HDAC9: variants seen among roughly 807,000 people sequenced by gnomAD.
HDAC9 encodes the protein MEF-2 interacting transcription repressor (MITR) protein.
In HDAC9, 41 loss-of-function variants were observed where a neutral mutation model predicts 139.4. The observed-to-expected ratio is 0.29, with a 90% CI of 0.23 to 0.38. The LOEUF (loss-of-function observed/expected upper bound fraction) is 0.38, where lower values mean the gene tolerates loss of function less well. Ranked by LOEUF, HDAC9 falls within the 10% of genes least tolerant of loss-of-function variation. The probability of loss-of-function intolerance (pLI) is 1.00; values close to 1 mark genes in which losing one functional copy is unlikely to be tolerated. For synonymous variants in HDAC9, 517 were observed against 476.2 expected (o/e 1.09, Z -1.12); for missense variants, 1,147 against 1,297.0 (o/e 0.88, Z 1.78).
chr7:18,818,432 G>A (rs571616831), intron 17 of HDAC9, among the ~76,000 whole-genome samples: 8 of 152,168 alleles, frequency 5.3e-5, no homozygotes, highest in African/African-American at 1.9e-4. Context: ...TAAAACTTAA[G>A]TAAAAATCTA....
chr7:18,911,284 C>T (rs1276750016), intron 22 of HDAC9, among the ~76,000 whole-genome samples: 2 of 151,198 alleles, frequency 1.3e-5, no homozygotes, highest in Non-Finnish European at 1.5e-5. Flanking sequence ...CAGTTGGTGT[C>T]AGTTGTAATG....
intron 12 of HDAC9, chr7:18,666,712 A>T: frequency 7.7e-7 from 1 of 1,303,212 alleles, no homozygotes; most frequent in Non-Finnish European, 9.8e-7. Context: ...TCCACTGGTA[A>T]GGAAATACCT....
At chr7:18,643,966 G>A (rs536945444) in intron 8 of HDAC9, among the ~76,000 whole-genome samples, 1 of 151,904 alleles carries the variant, frequency 6.6e-6, no homozygotes, top group East Asian at 1.9e-4. Flanking sequence ...TAGGCCACAT[G>A]TGGGAAAACA....
intron 12 of HDAC9, among the ~76,000 whole-genome samples, chr7:18,698,027 T>C (rs1562861536): frequency 6.6e-6 from 1 of 152,086 alleles, no homozygotes; most frequent in East Asian, 1.9e-4. Flanking sequence ...AGAAGACGCA[T>C]GAACAAAAAT....
chr7:18,733,037 A>AT, intron 13 of HDAC9, among the ~76,000 whole-genome samples: 3 of 146,214 alleles, frequency 2.1e-5, no homozygotes, highest in African/African-American at 7.5e-5. Context: ...GTATATATAC[A>AT]GATATACATA....
chr7:18,168,895 T>TGTGTGTGTG (rs1344936412), intron 2 of HDAC9, among the ~76,000 whole-genome samples: 5 of 118,130 alleles, frequency 4.2e-5, no homozygotes, highest in African/African-American at 1.5e-4. Flanking sequence ...TTTTTTTTTT[T>TGTGTGTGTG]TTTGTGTGTG....
At chr7:18,551,810 A>G (rs991738727) in intron 2 of HDAC9, among the ~76,000 whole-genome samples, 1 of 152,204 alleles carries the variant, frequency 6.6e-6, no homozygotes, top group African/African-American at 2.4e-5. Context: ...TTTGGTGTTA[A>G]CAGTTTTTCT....
At chr7:18,265,713 G>C (rs1454137296) in intron 2 of HDAC9, among the ~76,000 whole-genome samples, 1 of 152,088 alleles carries the variant, frequency 6.6e-6, no homozygotes, top group Non-Finnish European at 1.5e-5. Flanking sequence ...AAATTTAGGA[G>C]AGTAGCAGTG....
intron 12 of HDAC9, among the ~76,000 whole-genome samples, chr7:18,718,061 A>C (rs1001209642): frequency 1.4e-4 from 21 of 152,094 alleles, no homozygotes; most frequent in African/African-American, 4.8e-4. Context: ...TGCAACCATC[A>C]CCAGAGTCAA....
At chr7:18,557,850 A>C (rs961303019) in intron 2 of HDAC9, among the ~76,000 whole-genome samples, 9 of 151,728 alleles carry the variant, frequency 5.9e-5, no homozygotes, top group South Asian at 2.1e-4. Flanking sequence ...ATTTAATTGA[A>C]TTTCAGCATG....
intron 2 of HDAC9, among the ~76,000 whole-genome samples, chr7:18,180,311 T>A (rs1789319711): frequency 6.6e-6 from 1 of 151,440 alleles, no homozygotes; most frequent in African/African-American, 2.4e-5. Context: ...TGCTGTAAAT[T>A]CATTATATAT....
rs917354329 is a variant in HDAC9, at chr7:18,336,499, T to C, written c.-42+45984T>C. ...AATAACATCTTCATTTTAACATATG[T>C]ACTTTTCACTATGAATATATGTAAA... On this transcript the variant is annotated intron_variant, in intron 1 of 3. Transcript: ENST00000413509. Among the ~76,000 whole-genome samples, 7 of 151,666 alleles carry C rather than the reference T, an allele frequency of 4.6e-5. No homozygotes were observed. In the Admixed American group the frequency reaches 4.6e-4, roughly 10 times the overall value.
At chr7:18,183,866 C>T (rs902111675) in intron 2 of HDAC9, among the ~76,000 whole-genome samples, 8 of 152,162 alleles carry the variant, frequency 5.3e-5, no homozygotes, top group Admixed American at 1.3e-4. Context: ...GTGTCTTTCT[C>T]CTCCCCTCCT....
At chr7:18,983,077 T>G (rs570508949) in intron 25 of HDAC9, among the ~76,000 whole-genome samples, 3 of 152,200 alleles carry the variant, frequency 2.0e-5, no homozygotes, top group South Asian at 2.1e-4. Context: ...ATGGAAACCT[T>G]GTAGCCATTG....
At chr7:18,621,018 C>T (rs1255907196) in intron 6 of HDAC9, among the ~76,000 whole-genome samples, 1 of 152,144 alleles carries the variant, frequency 6.6e-6, no homozygotes, top group Non-Finnish European at 1.5e-5. Flanking sequence ...AAGTGTCCAA[C>T]ATTGTCTTAT....
intron 22 of HDAC9, among the ~76,000 whole-genome samples, chr7:18,914,129 C>T (rs966163266): frequency 6.6e-6 from 1 of 151,778 alleles, no homozygotes; most frequent in African/African-American, 2.4e-5. Context: ...TTGCCTCTCA[C>T]ACCATGTGAG....
At chr7:18,149,733 T>G (rs1018283024) in intron 1 of HDAC9, among the ~76,000 whole-genome samples, 5 of 151,890 alleles carry the variant, frequency 3.3e-5, no homozygotes, top group African/African-American at 7.3e-5. Flanking sequence ...TTTTTGTATT[T>G]TTAGTAGAGA....
At chr7:18,992,536 G>A (rs540708617) in intron 25 of HDAC9, among the ~76,000 whole-genome samples, 1 of 152,216 alleles carries the variant, frequency 6.6e-6, no homozygotes, top group African/African-American at 2.4e-5. Context: ...AGGAGTAGAA[G>A]TAAGAAATAA....
chr7:18,356,644 A>G (rs755538358), intron 1 of HDAC9, among the ~76,000 whole-genome samples: 12 of 152,188 alleles, frequency 7.9e-5, no homozygotes, highest in African/African-American at 2.9e-4. Context: ...TTTTTCCTTT[A>G]GAGAGCTTGA....
Sources: allele counts gnomAD v4.1 joint callset (sites outside exome capture counted in the v4.1 genomes callset), GRCh38; gene constraint gnomAD v4.1.1; transcripts MANE v1.5; gene names NCBI Gene and HGNC (gene_info 2026-07-23, HGNC 2026-07-21).